TNFRSF10B: variants seen among roughly 807,000 people sequenced by gnomAD.
The protein encoded by TNFRSF10B is TNF receptor superfamily member 10b.
Under a neutral mutation model 41.4 loss-of-function variants are expected in TNFRSF10B, and 35 were observed. That is an observed-to-expected ratio of 0.85 (90% CI 0.65 to 1.12). The LOEUF (loss-of-function observed/expected upper bound fraction) is 1.12, where lower values mean the gene tolerates loss of function less well. Ranked by LOEUF, TNFRSF10B falls within the 50% of genes most tolerant of loss-of-function variation. The probability of loss-of-function intolerance (pLI) is 0.00; values close to 1 mark genes in which losing one functional copy is unlikely to be tolerated. For missense variants in TNFRSF10B, 584 were observed against 552.7 expected (o/e 1.06, Z -0.57); for synonymous variants, 230 against 215.5 (o/e 1.07, Z -0.59).
chr8:23,037,929 G>T (rs1384447506), intron 2 of TNFRSF10B, among the ~76,000 whole-genome samples: 1 of 152,180 alleles, frequency 6.6e-6, no homozygotes, highest in African/African-American at 2.4e-5. Flanking sequence ...GCTGCTTTAT[G>T]CTTTGCTAGA....
chr8:23,067,750 A>G (rs1351956601), intron 1 of TNFRSF10B, among the ~76,000 whole-genome samples: 1 of 152,186 alleles, frequency 6.6e-6, no homozygotes, highest in Non-Finnish European at 1.5e-5. Context: ...AATGCTTCAC[A>G]CTGACATTCT....
At chr8:23,033,620 A>AAAG (rs1563310598) in intron 2 of TNFRSF10B, among the ~76,000 whole-genome samples, 29 of 107,754 alleles carry the variant, frequency 2.7e-4, no homozygotes, top group African/African-American at 8.5e-4. Flanking sequence ...AAAAAAAAAA[A>AAAG]AGAACCCTGG....
chr8:23,030,656 C>A (rs1811853097), intron 3 of TNFRSF10B, 103 bp downstream of exon 3: 1 of 843,246 alleles, frequency 1.2e-6, no homozygotes, highest in Non-Finnish European at 2.0e-6. Flanking sequence ...TGATGAAGAC[C>A]AAGGTGGACC....
At chr8:23,059,427 C>G (rs1445781092) in intron 1 of TNFRSF10B, among the ~76,000 whole-genome samples, 1 of 152,228 alleles carries the variant, frequency 6.6e-6, no homozygotes, top group Non-Finnish European at 1.5e-5. Context: ...TCCATAGTGG[C>G]TGCACCATTT....
chr8:23,057,122 C>T (rs534448074), intron 1 of TNFRSF10B, among the ~76,000 whole-genome samples: 113 of 149,100 alleles, frequency 7.6e-4, no homozygotes, highest in African/African-American at 2.2e-3. Flanking sequence ...TCACTGCAAG[C>T]TCTGCGTCCC....
At chr8:23,068,666 A>ACCCCCGCCGTGT in intron 1 of TNFRSF10B, 85 bp downstream of exon 1, 3 of 1,494,546 alleles carry the variant, frequency 2.0e-6, no homozygotes, top group Non-Finnish European at 2.7e-6. Flanking sequence ...CGGGCCACGC[A>ACCCCCGCCGTGT]CCCCCGCCGT....
rs984977341 is a variant in TNFRSF10B at position 23,041,061 on chromosome 8, GTTGT to G, written c.250+2073_250+2076del. Among the ~76,000 whole-genome samples the G allele has an allele frequency of 1.7e-4, 7 of 40,038 alleles. 1 individual carries two copies. The highest frequency in any genetic ancestry group is 3.7e-3 in the East Asian group (2 of 546). 26.3% of individuals were successfully genotyped at this position (40,038 alleles called of 152,430 possible). A position where few individuals can be genotyped will look rare whatever the true frequency, so the allele number is the denominator to read the frequency against. ...AAAGATATATGATAATTTTTTTTTT[GTTGT>G]TTTTTTTTTTTGAGACAGGGTCTCA... On this transcript the variant is annotated intron_variant, in intron 2 of 8. Transcript: ENST00000276431.
At chr8:23,047,234 G>A (rs13256610) in intron 1 of TNFRSF10B, among the ~76,000 whole-genome samples, 36,094 of 151,556 alleles carry the variant, frequency 0.24, 4,472 homozygotes, top group Non-Finnish European at 0.26. Flanking sequence ...GCATGCACCG[G>A]TAATCCCAGC....
intron 1 of TNFRSF10B, among the ~76,000 whole-genome samples, chr8:23,059,876 G>C (rs1405073985): frequency 1.3e-5 from 2 of 152,152 alleles, no homozygotes; most frequent in African/African-American, 4.8e-5. Flanking sequence ...GTTTTGACCA[G>C]CAGTTCCCTA....
At chr8:23,030,501 G>A (rs1005366480) in intron 3 of TNFRSF10B, among the ~76,000 whole-genome samples, 6 of 151,880 alleles carry the variant, frequency 4.0e-5, no homozygotes, top group South Asian at 4.2e-4. Flanking sequence ...TTGTAGAGAC[G>A]GGGTTTCTCA....
chr8:23,047,357 CAAA>C (rs71206564), intron 1 of TNFRSF10B, among the ~76,000 whole-genome samples: 2 of 108,410 alleles, frequency 1.8e-5, no homozygotes, highest in Admixed American at 9.3e-5. Context: ...AATTTCATCT[CAAA>C]AAAAAAAAAA....
Position 23,021,152 on chromosome 8 carries a change from G to A in TNFRSF10B, c.*1519C>T. On this transcript the variant is annotated 3_prime_UTR_variant, in exon 9 of 9. Transcript: ENST00000276431. ...CATGACTGAAATACTATGGAGAAGG[G>A]TTTGCTGGAAAGAGGCTGAAATGGT... is the stretch of plus-strand genomic sequence containing the variant. The A allele has an allele frequency of 2.2e-6, 1 of 454,114 alleles. No homozygotes were observed. Among genetic ancestry groups the A allele is most frequent in the Non-Finnish European group, 4.4e-6 (1 of 226,794 alleles). 28.1% of individuals were successfully genotyped at this position (454,114 alleles called of 1,614,324 possible).
In TNFRSF10B at chr8:23,021,317, C is replaced by T. The variant is rs1811512761; in HGVS notation, c.*1354G>A. ...AGATGCTTACAGAGCGGCCAAGGTC[C>T]TCAAGTAGGCAATCTGTACCCTAAA... On this transcript the variant is annotated 3_prime_UTR_variant, in exon 9 of 9. Coordinates refer to ENST00000276431, the MANE Select transcript of TNFRSF10B (RefSeq NM_003842.5). 2.2e-6 allele frequency: 1 copy of T among 453,984 alleles called. No homozygotes were observed. The highest frequency in any genetic ancestry group is 4.4e-6 in the Non-Finnish European group (1 of 226,794). The allele number at this position is 453,984 out of a possible 1,614,324, so 28.1% of individuals were successfully genotyped here. A position where few individuals can be genotyped will look rare whatever the true frequency, so the allele number is the denominator to read the frequency against.
rs775369143 is a variant in TNFRSF10B at position 23,030,803 on chromosome 8, C to T, written c.320G>A (p.Trp107Ter). The T allele has an allele frequency of 1.2e-6, 2 of 1,613,252 alleles. No homozygotes were observed. The highest frequency in any genetic ancestry group is 1.7e-6 in the Non-Finnish European group (2 of 1,179,648). ...GCGCAAGCAGAAAAGGAGGTCATTC[C>T]AGTGAGTGCTATAGTCCTGTCCATA... The part of the protein sequence containing the change: ...CKYGQDYSTH[W>*]NDLLFCLRCT... The change falls in exon 3 of 9, where the codon TGG (tryptophan) becomes TAG (stop). Residue 107 changes from tryptophan to a stop codon, truncating the protein, a stop_gained. Coordinates refer to ENST00000276431, the MANE Select transcript of TNFRSF10B (RefSeq NM_003842.5). LOFTEE classifies it high-confidence loss of function.
At position 23,069,001 on chromosome 8, in the gene TNFRSF10B, C is replaced by G. The variant is rs576864679; in HGVS notation, c.-107G>C. The G allele has an allele frequency of 3.7e-4, 584 of 1,567,528 alleles. 3 individuals are homozygous for G. In the African/African-American group the frequency reaches 5.7e-3, roughly 15 times the overall value. On this transcript the variant is annotated 5_prime_UTR_variant, in exon 1 of 9. Transcript: ENST00000276431. ...GTGGGCGCAGAGATTGCGGGGTTCTCCGGCCGCGTGCTGATTTATGTGTCC... is the reference window on the plus strand; with the variant it reads ...GTGGGCGCAGAGATTGCGGGGTTCTGCGGCCGCGTGCTGATTTATGTGTCC...
intron 1 of TNFRSF10B, among the ~76,000 whole-genome samples, chr8:23,047,738 C>T (rs1004352630): frequency 1.5e-4 from 23 of 152,244 alleles, no homozygotes; most frequent in Middle Eastern, 3.4e-3. Context: ...AAAAGGGAAC[C>T]CTTGCTTACT....
chr8:23,022,110 A>G lies in TNFRSF10B; in HGVS notation c.*561T>C, dbSNP rs1464343199. 2.4e-6 allele frequency: 1 copy of G among 423,446 alleles called. No homozygotes were observed. Among genetic ancestry groups the G allele is most frequent in the African/African-American group, 2.1e-5 (1 of 48,442 alleles). The allele number at this position is 423,446 out of a possible 1,614,324, so 26.2% of individuals were successfully genotyped here. ...CCTATATCTAGACAAAATACAAAAA[A>G]TTAGCCGGGCGTGGTGGTGCACACC... On this transcript the variant is annotated 3_prime_UTR_variant, in exon 9 of 9. Coordinates refer to ENST00000276431, the MANE Select transcript of TNFRSF10B (RefSeq NM_003842.5).
intron 1 of TNFRSF10B, among the ~76,000 whole-genome samples, chr8:23,053,884 A>G (rs1812590191): frequency 6.6e-6 from 1 of 152,192 alleles, no homozygotes; most frequent in African/African-American, 2.4e-5. Flanking sequence ...TATTATTGGT[A>G]TGTGTTCCAA....
intron 1 of TNFRSF10B, among the ~76,000 whole-genome samples, chr8:23,059,163 C>T (rs1812753476): frequency 6.6e-6 from 1 of 152,218 alleles, no homozygotes; most frequent in South Asian, 2.1e-4. Flanking sequence ...CATTGTGTAG[C>T]ATGTGCCAGT....
Sources: gnomAD v4.1 joint callset for allele counts (sites outside exome capture counted in the v4.1 genomes callset) on GRCh38, gnomAD v4.1.1 for gene constraint, MANE v1.5 for transcripts, NCBI Gene and HGNC (gene_info 2026-07-23, HGNC 2026-07-21) for gene names.